Variants in TMEM178A observed in about 807,000 individuals in gnomAD.
TMEM178A encodes the protein transmembrane protein 178.
TMEM178A carries 12 observed loss-of-function variants against 29.1 expected under a neutral mutation model. That is an observed-to-expected ratio of 0.41 (90% confidence interval 0.26 to 0.67). The LOEUF (loss-of-function observed/expected upper bound fraction) is 0.67, where lower values mean the gene tolerates loss of function less well. TMEM178A is among the 30% of genes least tolerant of loss of function. The pLI is 0.29. For missense variants in TMEM178A, 366 were observed against 419.1 expected, an observed-to-expected ratio of 0.87 and a Z score of 1.11; for synonymous variants, 210 against 187.2, an observed-to-expected ratio of 1.12 and a Z score of -0.99.
chr2:39,735,916 A>C, the TMEM178A span: 1 of 152,368 alleles, frequency 6.6e-6, no homozygotes, highest in African/African-American at 2.4e-5. Context: ...GCTGGAAAAC[A>C]GATTTTATGA....
intron 1 of TMEM178A, among the ~76,000 whole-genome samples, chr2:39,702,533 T>A (rs1671828698): frequency 1.3e-5 from 2 of 152,146 alleles, no homozygotes; most frequent in Non-Finnish European, 2.9e-5. Flanking sequence ...TTATCTGTCA[T>A]TGTTCTCATA....
At chr2:39,719,262 CT>C (rs1160189683), downstream of TMEM178A, among the ~76,000 whole-genome samples, 1 of 152,226 alleles carries the variant, frequency 6.6e-6, no homozygotes, top group Non-Finnish European at 1.5e-5. Context: ...TGTCAAGACT[CT>C]TGGACATTTA....
At chr2:39,706,845 G>A (rs1181418211) in intron 2 of TMEM178A, among the ~76,000 whole-genome samples, 1 of 152,198 alleles carries the variant, frequency 6.6e-6, no homozygotes, top group Non-Finnish European at 1.5e-5. Context: ...AGACGGTATA[G>A]TCTGACCCTC....
chr2:39,674,914 GAGTTGA>G, intron 1 of TMEM178A, among the ~76,000 whole-genome samples: 1 of 151,996 alleles, frequency 6.6e-6, no homozygotes, highest in Non-Finnish European at 1.5e-5. Context: ...AAAATTCATA[GAGTTGA>G]AAGGAATTTC....
At chr2:39,707,473 T>C (rs1672087030) in intron 3 of TMEM178A, among the ~76,000 whole-genome samples, 1 of 152,172 alleles carries the variant, frequency 6.6e-6, no homozygotes, top group African/African-American at 2.4e-5. Context: ...ACTTTCTTTT[T>C]TCTTTTTTGT....
At position 39,689,181 on chromosome 2, in the gene TMEM178A, A is replaced by T. The variant is rs186169023; in HGVS notation, c.401-14900A>T. On this transcript the variant is annotated intron_variant, in intron 1 of 3. Transcript: ENST00000281961. ...GACACCTGGAAGGGACCAACAGTAT[A>T]TTGTTTTTAAGGATAATTTGCTCTG... Among the ~76,000 whole-genome samples the T allele has an allele frequency of 4.1e-3, 627 of 152,334 alleles. 4 individuals are homozygous for T. The highest frequency in any genetic ancestry group is 0.014 in the African/African-American group (579 of 41,576).
the TMEM178A span, among the ~76,000 whole-genome samples, chr2:39,729,557 A>G: frequency 1.3e-5 from 2 of 152,146 alleles, no homozygotes; most frequent in Non-Finnish European, 2.9e-5. Flanking sequence ...CCTCCAACCA[A>G]CCAATATTCG....
At chr2:39,669,093 C>T (rs1185498087) in intron 1 of TMEM178A, among the ~76,000 whole-genome samples, 1 of 152,066 alleles carries the variant, frequency 6.6e-6, no homozygotes, top group Non-Finnish European at 1.5e-5. Context: ...GTCTTAGCAT[C>T]GTTTAGAAAT....
chr2:39,692,909 A>C (rs528451345), intron 1 of TMEM178A, among the ~76,000 whole-genome samples: 1 of 152,338 alleles, frequency 6.6e-6, no homozygotes, highest in East Asian at 1.9e-4. Context: ...GAAAAAATAC[A>C]TTCCCAAATT....
the TMEM178A span, among the ~76,000 whole-genome samples, chr2:39,732,482 G>A: frequency 6.6e-6 from 1 of 152,132 alleles, no homozygotes; most frequent in East Asian, 1.9e-4. Context: ...GGGTCCATGC[G>A]ACTTTTGGCT....
downstream of TMEM178A, among the ~76,000 whole-genome samples, chr2:39,718,785 C>T (rs184732993): frequency 8.5e-5 from 13 of 152,048 alleles, no homozygotes; most frequent in African/African-American, 2.2e-4. Context: ...GGGCACTCGC[C>T]GACTTCTAAG....
intron 1 of TMEM178A, among the ~76,000 whole-genome samples, chr2:39,668,276 C>G (rs566759046): frequency 4.9e-4 from 75 of 152,326 alleles, no homozygotes; most frequent in African/African-American, 1.7e-3. Context: ...TTGTCTAGCC[C>G]AGTACTTCCG....
chr2:39,707,958 C>T (rs749418773), intron 3 of TMEM178A, among the ~76,000 whole-genome samples: 4 of 152,188 alleles, frequency 2.6e-5, no homozygotes, highest in Non-Finnish European at 5.9e-5. Flanking sequence ...TCATTTTAGT[C>T]CACAGATATC....
intron 1 of TMEM178A, among the ~76,000 whole-genome samples, chr2:39,677,471 G>A (rs1670678990): frequency 1.3e-5 from 2 of 152,156 alleles, no homozygotes; most frequent in African/African-American, 4.8e-5. Context: ...TGTGTTGATA[G>A]TGGCGCGTGT....
chr2:39,722,699 G>T (rs1423050099), downstream of TMEM178A, among the ~76,000 whole-genome samples: 1 of 152,204 alleles, frequency 6.6e-6, no homozygotes, highest in African/African-American at 2.4e-5. Context: ...CTATTGGTCT[G>T]CTTCAGGTAA....
chr2:39,677,451 A>G (rs185092591), intron 1 of TMEM178A, among the ~76,000 whole-genome samples: 93 of 152,342 alleles, frequency 6.1e-4, no homozygotes, highest in African/African-American at 2.2e-3. Context: ...TGCTATTGCC[A>G]GTGTCCTGGT....
At chr2:39,726,224 T>C in the TMEM178A span, among the ~76,000 whole-genome samples, 1 of 152,206 alleles carries the variant, frequency 6.6e-6, no homozygotes, top group East Asian at 1.9e-4. Context: ...GCTAGGAGAA[T>C]AGAGTGCTAA....
At chr2:39,688,303 A>C (rs1572665501) in intron 1 of TMEM178A, among the ~76,000 whole-genome samples, 1 of 152,364 alleles carries the variant, frequency 6.6e-6, no homozygotes, top group East Asian at 1.9e-4. Context: ...TGGTCTCAAA[A>C]GTGTGCTTAT....
intron 1 of TMEM178A, among the ~76,000 whole-genome samples, chr2:39,690,822 C>T (rs1042857334): frequency 5.9e-5 from 9 of 152,104 alleles, no homozygotes; most frequent in South Asian, 2.1e-4. Flanking sequence ...TACAAGAGAA[C>T]GGAGACAACT....
Sources: gnomAD v4.1 joint callset for allele counts (sites outside exome capture counted in the v4.1 genomes callset) on GRCh38, gnomAD v4.1.1 for gene constraint, MANE v1.5 for transcripts, NCBI Gene and HGNC (gene_info 2026-07-23, HGNC 2026-07-21) for gene names.